BTBD9: variants seen among roughly 807,000 people sequenced by gnomAD.
BTBD9 encodes BTB/POZ domain-containing protein 9.
A neutral mutation model predicts 64.3 loss-of-function variants in BTBD9; 49 were observed. The ratio of observed to expected loss-of-function variants is 0.76; its 90% CI spans 0.61 to 0.97. The LOEUF is 0.97. Ranked by LOEUF, BTBD9 falls within the 50% of genes least tolerant of loss-of-function variation. The pLI, the probability that BTBD9 is intolerant of heterozygous loss-of-function variation, is 0.00. For synonymous variants in BTBD9, 260 were observed against 274.7 expected, an observed-to-expected ratio of 0.95 and a Z score of 0.53; for missense variants, 598 against 762.1, an observed-to-expected ratio of 0.78 and a Z score of 2.53.
chr6:38,455,459 C>T (rs1054872643), intron 6 of BTBD9, among the ~76,000 whole-genome samples: 6 of 152,220 alleles, frequency 3.9e-5, no homozygotes, highest in East Asian at 1.9e-4. Context: ...CGTAAGCCAC[C>T]GTGCCCAGCC....
intron 8 of BTBD9, among the ~76,000 whole-genome samples, chr6:38,270,798 G>A (rs1765174382): frequency 6.6e-6 from 1 of 152,176 alleles, no homozygotes; most frequent in Admixed American, 6.5e-5. Flanking sequence ...TTGGGCCTCT[G>A]ATGGACACAA....
At position 38,411,033 on chromosome 6, in the gene BTBD9, C is replaced by G. The variant is rs138050594; in HGVS notation, c.1155-65940G>C. The stretch of plus-strand genomic sequence containing the variant: ...CTACTTGAATATCCTTACCAACTCT[C>G]CATACTCAACCTGGCCCAAACTGAG... On this transcript the variant is annotated intron_variant, in intron 6 of 10. Transcript: ENST00000481247. Among the ~76,000 whole-genome samples the G allele has an allele frequency of 6.5e-3, 989 of 152,152 alleles. 10 individuals are homozygous for G. The highest frequency in any genetic ancestry group is 8.6e-3 in the Non-Finnish European group (588 of 68,016).
At chr6:38,277,187 G>A (rs189772479) in intron 8 of BTBD9, among the ~76,000 whole-genome samples, 1 of 152,126 alleles carries the variant, frequency 6.6e-6, no homozygotes, top group African/African-American at 2.4e-5. Flanking sequence ...GTTACAGAAA[G>A]CCAGTATATT....
intron 6 of BTBD9, chr6:38,482,486 G>T (rs1278981540): frequency 6.6e-6 from 1 of 150,858 alleles, no homozygotes; most frequent in East Asian, 1.9e-4. Flanking sequence ...TTAAAAGAGA[G>T]AAATCATATT....
At chr6:38,600,415 TG>T (rs1777200081) in intron 1 of BTBD9, among the ~76,000 whole-genome samples, 1 of 152,236 alleles carries the variant, frequency 6.6e-6, no homozygotes, top group Non-Finnish European at 1.5e-5. Flanking sequence ...AGGATCAGAC[TG>T]GGAGTTTTTT....
intron 6 of BTBD9, among the ~76,000 whole-genome samples, chr6:38,394,744 A>G (rs1766589631): frequency 6.6e-6 from 1 of 152,088 alleles, no homozygotes; most frequent in Non-Finnish European, 1.5e-5. Flanking sequence ...ACCATGCTGT[A>G]GGGACACTCA....
chr6:38,197,658 T>A (rs186574594), intron 9 of BTBD9, among the ~76,000 whole-genome samples: 1 of 152,348 alleles, frequency 6.6e-6, no homozygotes, highest in Non-Finnish European at 1.5e-5. Flanking sequence ...GAGCATGGCA[T>A]GTGGTGAAAG....
chr6:38,565,999 AT>A (rs1775476662), intron 6 of BTBD9: 1 of 152,204 alleles, frequency 6.6e-6, no homozygotes, highest in South Asian at 2.1e-4. Context: ...TCAGTTACAG[AT>A]CGAAATCCTT....
chr6:38,351,494 T>TTTAA (rs1362052009), intron 6 of BTBD9, among the ~76,000 whole-genome samples: 2 of 147,994 alleles, frequency 1.4e-5, no homozygotes, highest in Admixed American at 6.9e-5. Context: ...AAGACAAATA[T>TTTAA]TTAATTGTTG....
intron 7 of BTBD9, among the ~76,000 whole-genome samples, chr6:38,300,377 T>G (rs1366981828): frequency 2.0e-5 from 3 of 152,186 alleles, no homozygotes; most frequent in African/African-American, 7.2e-5. Context: ...TAAAGTAGTT[T>G]TTTTCCAATT....
chr6:38,385,330 CA>C (rs1766106066), intron 6 of BTBD9, among the ~76,000 whole-genome samples: 1 of 151,520 alleles, frequency 6.6e-6, no homozygotes, highest in Admixed American at 6.6e-5. Context: ...GCTGGGATTA[CA>C]GGTGCCTGGC....
rs9394506 is a variant in BTBD9, at chr6:38,506,079, C to G, written c.1154+71521G>C. Among the ~76,000 whole-genome samples, 11 of 151,334 alleles carry G rather than the reference C, an allele frequency of 7.3e-5. No individual in the cohort carries two copies. In the East Asian group the frequency reaches 2.2e-3, roughly 30 times the overall value. On this transcript the variant is annotated intron_variant, in intron 6 of 10. Transcript: ENST00000481247. ...CTGCCTCAGTAAGTGGTGCCACCAT[C>G]TATGCTGACTCTAAAACCAGACACC...
chr6:38,585,091 C>T (rs1176945571), intron 4 of BTBD9, among the ~76,000 whole-genome samples: 2 of 152,030 alleles, frequency 1.3e-5, no homozygotes, highest in African/African-American at 2.4e-5. Flanking sequence ...CTATGTGCTG[C>T]TCACTGTACT....
At chr6:38,197,663 T>C (rs1486492610) in intron 9 of BTBD9, among the ~76,000 whole-genome samples, 1 of 152,168 alleles carries the variant, frequency 6.6e-6, no homozygotes, top group African/African-American at 2.4e-5. Context: ...TGGCATGTGG[T>C]GAAAGCAAAT....
At chr6:38,265,003 G>T (rs986764536) in intron 8 of BTBD9, among the ~76,000 whole-genome samples, 1 of 152,102 alleles carries the variant, frequency 6.6e-6, no homozygotes, top group Non-Finnish European at 1.5e-5. Flanking sequence ...TTAGTCAAAG[G>T]ACATCAGAGA....
At chr6:38,365,920 C>T (rs1168693090) in intron 6 of BTBD9, among the ~76,000 whole-genome samples, 5 of 152,160 alleles carry the variant, frequency 3.3e-5, no homozygotes, top group African/African-American at 1.2e-4. Context: ...ACAAAGTAGA[C>T]AACTGCTGGT....
At chr6:38,405,770 G>GC (rs1237349389) in intron 6 of BTBD9, among the ~76,000 whole-genome samples, 1 of 152,170 alleles carries the variant, frequency 6.6e-6, no homozygotes, top group Non-Finnish European at 1.5e-5. Flanking sequence ...CAGGAAAGCA[G>GC]CCATAAAGCC....
In BTBD9 at chr6:38,633,273, G is replaced by A. The variant is rs9380763; in HGVS notation, c.-28+6527C>T. ...TGAAGTAAAAAGAACACAGGCTGCA[G>A]AGTCCACACCTGGGTCTGTACTGGA... On this transcript the variant is annotated intron_variant, in intron 1 of 10. Transcript: ENST00000481247. Among the ~76,000 whole-genome samples the A allele has an allele frequency of 0.02, 3,115 of 152,290 alleles. 241 individuals are homozygous for A. The East Asian group carries it at 0.23, about 11-fold the overall frequency.
At chr6:38,358,674 CCT>C (rs1764825951) in intron 6 of BTBD9, among the ~76,000 whole-genome samples, 2 of 152,160 alleles carry the variant, frequency 1.3e-5, no homozygotes, top group Non-Finnish European at 2.9e-5. Context: ...CCAAAGAAAT[CCT>C]CTGTTTTTTG....
Sources: gnomAD v4.1 joint callset for allele counts (sites outside exome capture counted in the v4.1 genomes callset) on GRCh38, gnomAD v4.1.1 for gene constraint, MANE v1.5 for transcripts, NCBI Gene and HGNC (gene_info 2026-07-23, HGNC 2026-07-21) for gene names.